The following CFAP20DC variants were observed in gnomAD, a reference collection of about 807,000 sequenced individuals.
CFAP20DC encodes the protein protein CFAP20DC.
Under a neutral mutation model 101.7 loss-of-function variants are expected in CFAP20DC, and 84 were observed. The observed-to-expected ratio is 0.83, with a 90% CI of 0.69 to 0.99. The LOEUF (loss-of-function observed/expected upper bound fraction) is 0.99, where lower values mean the gene tolerates loss of function less well. CFAP20DC is among the 50% of genes least tolerant of loss of function. CFAP20DC has a pLI of 0.00. For missense variants in CFAP20DC, 1,007 were observed against 970.3 expected (o/e 1.04, Z -0.50); for synonymous variants, 359 against 351.2 (o/e 1.02, Z -0.25).
chr3:59,018,444 C>T (rs1163088952), intron 4 of CFAP20DC: 2 of 151,988 alleles, frequency 1.3e-5, no homozygotes, highest in Non-Finnish European at 2.9e-5. Context: ...TGGTAGAGAC[C>T]ACCTTAACCA....
rs1282395460 is a variant in CFAP20DC at position 58,913,287 on chromosome 3, T to C, written c.550+421A>G. On this transcript the variant is annotated intron_variant, in intron 6 of 16. Transcript: ENST00000482387. The surrounding 1 kb of genome is among the most constrained non-coding windows in gnomAD (Gnocchi z 4.4). ...AGGTGGCAAATGGATGGGGTTGTCCTTAGATAAGTCTTGTGGGAGAGGCTG... is the reference window on the plus strand; with the variant it reads ...AGGTGGCAAATGGATGGGGTTGTCCCTAGATAAGTCTTGTGGGAGAGGCTG... Among the ~76,000 whole-genome samples the C allele has an allele frequency of 6.6e-6, 1 of 152,106 alleles. No individual in the cohort carries two copies. The highest frequency in any genetic ancestry group is 1.5e-5 in the Non-Finnish European group (1 of 68,020).
Position 58,913,667 on chromosome 3 carries a change from C to T in CFAP20DC, c.550+41G>A, listed in dbSNP as rs749783470. 1 of 1,597,478 alleles carries T rather than the reference C, an allele frequency of 6.3e-7. No individual in the cohort carries two copies. Among genetic ancestry groups the T allele is most frequent in the South Asian group, 1.1e-5 (1 of 90,716 alleles). ...AAAGGTATGGCTAATTTTAAAAATA[C>T]ATCAGAGAATTAAAAAATCTTGATA... On this transcript the variant is annotated intron_variant, in intron 6 of 16. Coordinates refer to ENST00000482387, the MANE Select transcript of CFAP20DC (RefSeq NM_001394063.1). This position sits in a 1 kb window ranked among gnomAD's most constrained non-coding sequence, Gnocchi z 4.4.
At position 58,729,342 on chromosome 3, in the gene CFAP20DC, G is replaced by C. The variant is rs1262166383; in HGVS notation, c.198-11714C>G. Among the ~76,000 whole-genome samples, 3 of 152,000 alleles carry C rather than the reference G, an allele frequency of 2.0e-5. No homozygotes were observed. The highest frequency in any genetic ancestry group is 2.9e-5 in the Non-Finnish European group (2 of 68,002). On this transcript the variant is annotated intron_variant, in intron 3 of 3. Transcript: ENST00000486145. This position sits in a 1 kb window ranked among gnomAD's most constrained non-coding sequence, Gnocchi z 4.4. ...TTATTAGATTTATTTCTAGGTATTT[G>C]ATGTTCTTTGATGCATCTATAAATT... is the stretch of plus-strand genomic sequence containing the variant.
chr3:58,824,768 A>C (rs1185481118), intron 14 of CFAP20DC, among the ~76,000 whole-genome samples: 1 of 151,438 alleles, frequency 6.6e-6, no homozygotes, highest in Non-Finnish European at 1.5e-5. Context: ...GCATGCAATG[A>C]GCTTTTCTTT....
At chr3:58,986,795 T>C (rs2092767461) in intron 4 of CFAP20DC, among the ~76,000 whole-genome samples, 1 of 152,136 alleles carries the variant, frequency 6.6e-6, no homozygotes, top group East Asian at 1.9e-4. Flanking sequence ...ATGCTACAGG[T>C]ACTCTCACGG....
At chr3:58,829,314 C>T (rs1053729200) in intron 14 of CFAP20DC, among the ~76,000 whole-genome samples, 6 of 125,406 alleles carry the variant, frequency 4.8e-5, no homozygotes, top group African/African-American at 1.2e-4. Flanking sequence ...GGGTGAGACT[C>T]AGTCTCAAAA....
chr3:58,837,541 G>A (rs188053650), intron 13 of CFAP20DC, among the ~76,000 whole-genome samples: 41 of 152,238 alleles, frequency 2.7e-4, no homozygotes, highest in African/African-American at 8.9e-4. Context: ...TTGCATGGGT[G>A]TGTTCAGTTT....
intron 14 of CFAP20DC, among the ~76,000 whole-genome samples, chr3:58,808,454 C>T (rs1483737174): frequency 6.6e-6 from 1 of 152,132 alleles, no homozygotes; most frequent in Non-Finnish European, 1.5e-5. Context: ...ATTTCATATC[C>T]AGCCAAACTA....
At chr3:58,909,800 G>C (rs187832866) in intron 6 of CFAP20DC, among the ~76,000 whole-genome samples, 128 of 152,220 alleles carry the variant, frequency 8.4e-4, no homozygotes, top group African/African-American at 3.0e-3. Flanking sequence ...ATGTGCCATG[G>C]TGGTTGGTTG....
intron 5 of CFAP20DC, among the ~76,000 whole-genome samples, chr3:58,932,576 C>G (rs186344055): frequency 6.6e-6 from 1 of 152,134 alleles, no homozygotes; most frequent in East Asian, 1.9e-4. Context: ...GCTGTTCTCT[C>G]GGCAGAAACT....
chr3:58,984,786 A>G (rs1057477193), intron 4 of CFAP20DC, among the ~76,000 whole-genome samples: 2 of 152,212 alleles, frequency 1.3e-5, no homozygotes, highest in African/African-American at 4.8e-5. Context: ...TGGGTGGGCT[A>G]TTACTGAACT....
At chr3:58,950,713 G>T (rs2090004195) in intron 4 of CFAP20DC, among the ~76,000 whole-genome samples, 1 of 152,182 alleles carries the variant, frequency 6.6e-6, no homozygotes, top group Non-Finnish European at 1.5e-5. Context: ...GCCATATGTA[G>T]AAAGCTGAAG....
In CFAP20DC at chr3:58,724,301, G is replaced by C. The variant is rs1324936910; in HGVS notation, c.198-6673C>G. Among the ~76,000 whole-genome samples, 1 of 152,130 alleles carries C rather than the reference G, an allele frequency of 6.6e-6. No homozygotes were observed. Among genetic ancestry groups the C allele is most frequent in the East Asian group, 1.9e-4 (1 of 5,186 alleles). On this transcript the variant is annotated intron_variant, in intron 3 of 3. Transcript: ENST00000486145. This position sits in a 1 kb window ranked among gnomAD's most constrained non-coding sequence, Gnocchi z 5.6. ...GCAGTGTTGGGAAAAGGGCTTGTGG[G>C]GTGCCTGTATAAACTGGCCATAAAA...
At chr3:58,917,398 A>C (rs2084853655) in intron 5 of CFAP20DC, among the ~76,000 whole-genome samples, 1 of 152,158 alleles carries the variant, frequency 6.6e-6, no homozygotes, top group Non-Finnish European at 1.5e-5. Context: ...AAAAGATCTC[A>C]AGAAATTAGT....
At chr3:58,857,863 G>A (rs144195322) in intron 12 of CFAP20DC, among the ~76,000 whole-genome samples, 197 of 152,306 alleles carry the variant, frequency 1.3e-3, no homozygotes, top group Non-Finnish European at 2.6e-3. Flanking sequence ...ATGAGAAGAA[G>A]AGGCATGCTT....
At chr3:59,013,144 T>C (rs936834154) in intron 4 of CFAP20DC, among the ~76,000 whole-genome samples, 1 of 152,162 alleles carries the variant, frequency 6.6e-6, no homozygotes, top group Non-Finnish European at 1.5e-5. Context: ...AGAATTCCAC[T>C]TGCATTTCAT....
At chr3:58,853,769 A>T (rs1294063770) in intron 12 of CFAP20DC, among the ~76,000 whole-genome samples, 7 of 152,288 alleles carry the variant, frequency 4.6e-5, no homozygotes, top group East Asian at 3.9e-4. Flanking sequence ...AAAAGGCCTT[A>T]GACAAAATTC....
intron 4 of CFAP20DC, among the ~76,000 whole-genome samples, chr3:58,951,551 T>C (rs989011197): frequency 1.3e-5 from 2 of 152,154 alleles, no homozygotes; most frequent in East Asian, 3.8e-4. Context: ...ATGTGGCACA[T>C]ATACACCATG....
intron 4 of CFAP20DC, among the ~76,000 whole-genome samples, chr3:59,033,398 C>T (rs1304485733): frequency 6.6e-6 from 1 of 152,080 alleles, no homozygotes; most frequent in African/African-American, 2.4e-5. Flanking sequence ...TAACAAACTC[C>T]TCCAAGCTAA....
Sources: allele counts gnomAD v4.1 joint callset (sites outside exome capture counted in the v4.1 genomes callset), GRCh38; gene constraint gnomAD v4.1.1; non-coding constraint Gnocchi (gnomAD v3.1); transcripts MANE v1.5; gene names NCBI Gene and HGNC (gene_info 2026-07-23, HGNC 2026-07-21).